Variants in MAML1 observed in about 807,000 individuals in gnomAD.
MAML1 encodes the protein mastermind like transcriptional coactivator 1.
A neutral mutation model predicts 77.1 loss-of-function variants in MAML1; 14 were observed. That is an observed-to-expected ratio of 0.18 (90% CI 0.12 to 0.28). The LOEUF (loss-of-function observed/expected upper bound fraction) is 0.28. Ranked by LOEUF, MAML1 falls within the 10% of genes least tolerant of loss-of-function variation. MAML1 has a pLI of 1.00. For missense variants in MAML1, 1,217 were observed against 1,327.8 expected, an observed-to-expected ratio of 0.92 and a Z score of 1.30; for synonymous variants, 516 against 551.9, an observed-to-expected ratio of 0.93 and a Z score of 0.91.
chr5:179,733,204 G>T lies in MAML1; in HGVS notation c.92G>T (p.Arg31Leu), dbSNP rs1412630513. 2 of 1,477,724 alleles carry T rather than the reference G, an allele frequency of 1.4e-6. No homozygotes were observed. Among genetic ancestry groups the T allele is most frequent in the Non-Finnish European group, 8.9e-7 (1 of 1,117,804 alleles). 91.5% of individuals were successfully genotyped at this position (1,477,724 alleles called of 1,614,324 possible). A position where few individuals can be genotyped will look rare whatever the true frequency, so the allele number is the denominator to read the frequency against. The change falls in exon 1 of 5, where the codon CGG becomes CTG. Residue 31 changes from arginine (R) to leucine (L), a missense_variant. This residue lies in a region of MAML1 where 312 missense variants were observed against 331.4 expected (regional missense o/e 0.94). Transcript: ENST00000292599. ...ERLRRRIELC[R>L]RHHSTCEARY... The stretch of plus-strand genomic sequence containing the variant: ...CTTCGCCGGCGCATCGAGCTGTGCC[G>T]GCGCCACCACAGCACCTGCGAGGCC...
At chr5:179,749,758 A>G (rs1474601083) in intron 1 of MAML1, among the ~76,000 whole-genome samples, 2 of 152,000 alleles carry the variant, frequency 1.3e-5, no homozygotes, top group African/African-American at 2.4e-5. Context: ...TCTGCACCAG[A>G]CGTGGAGGGC....
rs1756060222 is a variant in MAML1, at chr5:179,773,881, TC to T, written c.2069-13del. 5.6e-6 allele frequency: 9 copies of T among 1,602,326 alleles called. No individual in the cohort carries two copies. Among genetic ancestry groups the T allele is most frequent in the Non-Finnish European group, 7.7e-6 (9 of 1,171,436 alleles). The stretch of plus-strand genomic sequence containing the variant: ...GGTCGACTCCTGACTGCCAGACTCT[TC>T]TCTGTCTTGTAGGGTCCTCTGCTGC... On this transcript the variant is annotated splice_polypyrimidine_tract_variant and intron_variant, in intron 4 of 4. Transcript: ENST00000292599.
rs1169858569 is a variant in MAML1 at position 179,774,688 on chromosome 5, G to A, written c.2862G>A (p.Gly954=). 7.5e-6 allele frequency: 12 copies of A among 1,610,004 alleles called. No individual in the cohort carries two copies. Among genetic ancestry groups the A allele is most frequent in the African/African-American group, 1.3e-5 (1 of 74,934 alleles). Residue 954 remains glycine (G), a synonymous_variant, in exon 5 of 5, where the codon GGG becomes GGA. Coordinates refer to ENST00000292599, the MANE Select transcript of MAML1 (RefSeq NM_014757.5). ...SPASQMGGRA[G]LHCTQAYPVR... is the part of the protein sequence containing the mutation. ...CCTCACAGATGGGCGGTCGGGCGGG[G>A]CTGCACTGCACCCAGGCCTACCCTG...
At chr5:179,761,691 G>A (rs746155424) in intron 1 of MAML1, among the ~76,000 whole-genome samples, 1 of 152,110 alleles carries the variant, frequency 6.6e-6, no homozygotes, top group African/African-American at 2.4e-5. Flanking sequence ...GTGAAACTCC[G>A]TCTCAATAAT....
intron 1 of MAML1, among the ~76,000 whole-genome samples, chr5:179,754,193 G>A (rs547029028): frequency 6.6e-6 from 1 of 152,280 alleles, no homozygotes; most frequent in South Asian, 2.1e-4. Flanking sequence ...ACAATGGGAG[G>A]ATCACTTGAG....
In MAML1 at chr5:179,743,046, CTTTTTTTTTTTTTTT is replaced by C. The variant is rs71001043; in HGVS notation, c.315+9628_315+9642del. Among the ~76,000 whole-genome samples, 3 of 69,816 alleles carry C rather than the reference CTTTTTTTTTTTTTTT, an allele frequency of 4.3e-5. No individual in the cohort carries two copies. In the South Asian group the frequency reaches 1.8e-3, roughly 42 times the overall value. 45.8% of individuals were successfully genotyped at this position (69,816 alleles called of 152,430 possible). A position where few individuals can be genotyped will look rare whatever the true frequency, so the allele number is the denominator to read the frequency against. ...TTGAAATACTGTGAACCCCTTCACA[CTTTTTTTTTTTTTTT>C]TTTTTTTTGAGACAGAGTTTCACTC... On this transcript the variant is annotated intron_variant, in intron 1 of 4. Coordinates refer to ENST00000292599, the MANE Select transcript of MAML1 (RefSeq NM_014757.5).
intron 1 of MAML1, among the ~76,000 whole-genome samples, chr5:179,750,128 A>T (rs1464005408): frequency 1.3e-5 from 2 of 152,218 alleles, no homozygotes; most frequent in Non-Finnish European, 2.9e-5. Context: ...TTTAATATTA[A>T]TCATCTTTGA....
intron 1 of MAML1, among the ~76,000 whole-genome samples, chr5:179,762,192 T>C (rs965552386): frequency 2.0e-5 from 3 of 152,014 alleles, no homozygotes; most frequent in African/African-American, 4.8e-5. Context: ...CGGTGGGTGG[T>C]TGAAGAAGGA....
Position 179,776,810 on chromosome 5 carries a change from A to G in MAML1, c.*1933A>G. 1.0e-6 allele frequency: 1 copy of G among 985,928 alleles called. No individual in the cohort carries two copies. Among genetic ancestry groups the G allele is most frequent in the South Asian group, 4.7e-5 (1 of 21,292 alleles). 61.1% of individuals were successfully genotyped at this position (985,928 alleles called of 1,614,324 possible). ...CACTTGCTGCAGTGTCATAGCAATA[A>G]AATGTGATTCTTGGGGTCCCCCCAG... On this transcript the variant is annotated 3_prime_UTR_variant, in exon 5 of 5. Coordinates refer to ENST00000292599, the MANE Select transcript of MAML1 (RefSeq NM_014757.5).
chr5:179,767,203 G>A (rs1327878269), intron 2 of MAML1, among the ~76,000 whole-genome samples: 1 of 149,448 alleles, frequency 6.7e-6, no homozygotes, highest in East Asian at 2.0e-4. Flanking sequence ...TCCCAGCACA[G>A]CTCAGCTCTG....
Position 179,766,054 on chromosome 5 carries a change from C to T in MAML1, c.1044C>T (p.Phe348=), listed in dbSNP as rs886091042. Residue 348 remains phenylalanine, a synonymous_variant, in exon 2 of 5, where the codon TTC becomes TTT. Coordinates refer to ENST00000292599, the MANE Select transcript of MAML1 (RefSeq NM_014757.5). This position sits in a 1 kb window ranked among gnomAD's most constrained non-coding sequence, Gnocchi z 4.0. ...GCCTAGGGGGCTCCCAAACCTTATT[C>T]CACACCTCTGGTCAGCCCCGGGCGG... is the stretch of plus-strand genomic sequence containing the variant. The part of the protein sequence containing the change: ...SPSLGGSQTL[F]HTSGQPRADN... The T allele has an allele frequency of 1.3e-6, 2 of 1,590,164 alleles. No individual in the cohort carries two copies. The highest frequency in any genetic ancestry group is 2.7e-5 in the African/African-American group (2 of 73,898).
chr5:179,739,937 A>G (rs944991947), intron 1 of MAML1, among the ~76,000 whole-genome samples: 1 of 152,226 alleles, frequency 6.6e-6, no homozygotes, highest in African/African-American at 2.4e-5. Flanking sequence ...AATAGGACAA[A>G]TTAAAATTCT....
At chr5:179,743,434 T>C (rs1342303446) in intron 1 of MAML1, among the ~76,000 whole-genome samples, 1 of 144,882 alleles carries the variant, frequency 6.9e-6, no homozygotes, top group African/African-American at 2.6e-5. Context: ...TGGTGTGATC[T>C]CGGCTCACTG....
chr5:179,763,235 G>A (rs1177183454), intron 1 of MAML1, among the ~76,000 whole-genome samples: 1 of 152,216 alleles, frequency 6.6e-6, no homozygotes, highest in Non-Finnish European at 1.5e-5. Context: ...ATTTAAATGG[G>A]TATGAATTTA....
In MAML1 at chr5:179,746,498, C is replaced by T. The variant is rs2112164; in HGVS notation, c.315+13071C>T. Among the ~76,000 whole-genome samples, 1,455 of 152,002 alleles carry T rather than the reference C, an allele frequency of 9.6e-3. 8 individuals are homozygous for T. The highest frequency in any genetic ancestry group is 0.015 in the Non-Finnish European group (1,017 of 67,954). On this transcript the variant is annotated intron_variant, in intron 1 of 4. Coordinates refer to ENST00000292599, the MANE Select transcript of MAML1 (RefSeq NM_014757.5). ...AAGTGATTCTCCCACCTCAGCCTCC[C>T]GAGTAGCTGGGATTACAGGCATACG...
chr5:179,740,780 T>C (rs1376967086), intron 1 of MAML1, among the ~76,000 whole-genome samples: 1 of 152,184 alleles, frequency 6.6e-6, no homozygotes, highest in Non-Finnish European at 1.5e-5. Context: ...CTGGACTAGA[T>C]GGCTTTGTTT....
intron 1 of MAML1, among the ~76,000 whole-genome samples, chr5:179,756,409 C>T (rs1483546981): frequency 1.1e-4 from 15 of 142,798 alleles, no homozygotes; most frequent in Non-Finnish European, 2.0e-4. Flanking sequence ...TGGGCCTGGG[C>T]GACAGACAGA....
rs1220253282 is a variant in MAML1 at position 179,754,516 on chromosome 5, G to T, written c.316-10810G>T. Among the ~76,000 whole-genome samples, 4 of 152,068 alleles carry T rather than the reference G, an allele frequency of 2.6e-5. No individual in the cohort carries two copies. The East Asian group carries it at 7.7e-4, about 29-fold the overall frequency. On this transcript the variant is annotated intron_variant, in intron 1 of 4. Transcript: ENST00000292599. Reference sequence around the variant, plus strand: ...GACTGAAGTGGGAAGATAGAGCTCGGGAGGTGGAGGCTGCAGTAAGCTAGG... The same window carrying T: ...GACTGAAGTGGGAAGATAGAGCTCGTGAGGTGGAGGCTGCAGTAAGCTAGG...
chr5:179,743,612 G>A (rs916981996), intron 1 of MAML1, among the ~76,000 whole-genome samples: 2 of 151,548 alleles, frequency 1.3e-5, no homozygotes, highest in Admixed American at 1.3e-4. Context: ...CGATCCACCC[G>A]CCTCAGCCTC....
Sources: gnomAD v4.1 joint callset for allele counts (sites outside exome capture counted in the v4.1 genomes callset) on GRCh38, gnomAD v4.1.1 for gene constraint, gnomAD v4.1.1 regional missense constraint, Gnocchi (gnomAD v3.1) non-coding constraint, MANE v1.5 for transcripts, NCBI Gene and HGNC (gene_info 2026-07-23, HGNC 2026-07-21) for gene names.